SYT2: variants seen among roughly 807,000 people sequenced by gnomAD.
SYT2 encodes the protein synaptotagmin-2.
A neutral mutation model predicts 39.9 loss-of-function variants in SYT2; 15 were observed. That is an observed-to-expected ratio of 0.38 (90% CI 0.25 to 0.58). The LOEUF (loss-of-function observed/expected upper bound fraction) is 0.58. Ranked by LOEUF, SYT2 falls within the 20% of genes least tolerant of loss-of-function variation. SYT2 has a pLI of 0.70. For missense variants in SYT2, 389 were observed against 530.3 expected, an observed-to-expected ratio of 0.73 and a Z score of 2.62; for synonymous variants, 181 against 204.5, an observed-to-expected ratio of 0.89 and a Z score of 0.98.
At chr1:202,687,723 G>A (rs1653708463) in intron 1 of SYT2, among the ~76,000 whole-genome samples, 1 of 151,152 alleles carries the variant, frequency 6.6e-6, no homozygotes, top group Admixed American at 6.6e-5. Context: ...AAATGGTGCA[G>A]CCAACAGCAT....
chr1:202,705,458 C>T (rs1380875221), intron 1 of SYT2, among the ~76,000 whole-genome samples: 3 of 152,234 alleles, frequency 2.0e-5, no homozygotes, highest in East Asian at 3.8e-4. Flanking sequence ...AAGCTGAAAT[C>T]CTGAGGTCCC....
chr1:202,643,923 G>A (rs1692011187), intron 1 of SYT2, among the ~76,000 whole-genome samples: 1 of 152,236 alleles, frequency 6.6e-6, no homozygotes, highest in East Asian at 1.9e-4. Context: ...GGGATTAGCT[G>A]GGGGAGGGGA....
chr1:202,700,107 C>G (rs962230386), intron 1 of SYT2, among the ~76,000 whole-genome samples: 1 of 152,114 alleles, frequency 6.6e-6, no homozygotes, highest in African/African-American at 2.4e-5. Flanking sequence ...CTAGACACCC[C>G]TCTCTCCCAA....
At chr1:202,663,352 G>A (rs928284851) in intron 1 of SYT2, among the ~76,000 whole-genome samples, 11 of 152,086 alleles carry the variant, frequency 7.2e-5, no homozygotes, top group Admixed American at 1.3e-4. Context: ...GCCTGCTCCC[G>A]GCCCTGCCCT....
At chr1:202,640,782 G>GAC (rs1558443924) in intron 1 of SYT2, among the ~76,000 whole-genome samples, 15 of 126,372 alleles carry the variant, frequency 1.2e-4, no homozygotes, top group African/African-American at 3.4e-4. Flanking sequence ...GAGAGAGAGA[G>GAC]AGAGAGAGAG....
chr1:202,613,002 G>A (rs983283158), intron 1 of SYT2, among the ~76,000 whole-genome samples: 14 of 150,140 alleles, frequency 9.3e-5, no homozygotes, highest in African/African-American at 3.4e-4. Flanking sequence ...CTAGTGTATA[G>A]CAATATAATA....
Position 202,620,220 on chromosome 1 carries a change from T to A in SYT2, c.-17-14431A>T, listed in dbSNP as rs554340985. On this transcript the variant is annotated intron_variant, in intron 1 of 8. Transcript: ENST00000367268. ...CTGCCCAGGATGGCCACTTGGCCCC[T>A]GTGACAGTGTCAGTCCCAAGCACTC... Among the ~76,000 whole-genome samples, 12 of 152,252 alleles carry A rather than the reference T, an allele frequency of 7.9e-5. No individual in the cohort carries two copies. The South Asian group carries it at 2.5e-3, about 31-fold the overall frequency.
Position 202,593,920 on chromosome 1 carries a change from T to A in SYT2, c.*2837A>T, listed in dbSNP as rs1291876790. 1.3e-5 allele frequency: 2 copies of A among 152,180 alleles called. No homozygotes were observed. The highest frequency in any genetic ancestry group is 3.8e-4 in the East Asian group (2 of 5,200). 9.4% of individuals were successfully genotyped at this position (152,180 alleles called of 1,614,324 possible). A position where few individuals can be genotyped will look rare whatever the true frequency, so the allele number is the denominator to read the frequency against. Reference sequence around the variant, plus strand: ...CCAGACACCCTAACTCTATCCTGCTTAGTGCCTACACCCCAGTACCCTGAC... The same window carrying A: ...CCAGACACCCTAACTCTATCCTGCTAAGTGCCTACACCCCAGTACCCTGAC... On this transcript the variant is annotated 3_prime_UTR_variant, in exon 9 of 9. Transcript: ENST00000367268.
intron 1 of SYT2, among the ~76,000 whole-genome samples, chr1:202,662,104 C>T (rs902543085): frequency 3.3e-5 from 5 of 152,190 alleles, no homozygotes; most frequent in African/African-American, 4.8e-5. Flanking sequence ...CCAGGAGCCA[C>T]GGGACCCTCT....
At chr1:202,658,949 G>A (rs1692330397) in intron 1 of SYT2, among the ~76,000 whole-genome samples, 2 of 152,272 alleles carry the variant, frequency 1.3e-5, no homozygotes, top group Admixed American at 1.3e-4. Context: ...AGATTGGAGA[G>A]CTTCTCAATT....
chr1:202,635,407 C>T (rs1019049558), intron 1 of SYT2, among the ~76,000 whole-genome samples: 7 of 152,282 alleles, frequency 4.6e-5, no homozygotes, highest in East Asian at 3.9e-4. Flanking sequence ...AGCAGGGTCA[C>T]GGGAGACAGG....
At chr1:202,624,656 TGTA>T (rs1179059874) in intron 1 of SYT2, among the ~76,000 whole-genome samples, 8 of 143,436 alleles carry the variant, frequency 5.6e-5, no homozygotes, top group East Asian at 2.2e-4. Context: ...GTGTCTGGTG[TGTA>T]GTAGTGTGTG....
rs570658182 is a variant in SYT2, at chr1:202,599,019, A to G, written c.1053+199T>C. ...TTTGCAGAATTTTTTGAATTAGTTC[A>G]TGTTTATCTCCTCAGAAAAGGGGGA... On this transcript the variant is annotated intron_variant, in intron 8 of 8. Transcript: ENST00000367268. The surrounding 1 kb of genome is among the most constrained non-coding windows in gnomAD (Gnocchi z 4.4). Among the ~76,000 whole-genome samples, 2 of 152,274 alleles carry G rather than the reference A, an allele frequency of 1.3e-5. No homozygotes were observed. Among genetic ancestry groups the G allele is most frequent in the South Asian group, 4.1e-4 (2 of 4,830 alleles).
At position 202,701,944 on chromosome 1, in the gene SYT2, T is replaced by C. The variant is rs114047643; in HGVS notation, c.-18+8314A>G. Among the ~76,000 whole-genome samples the C allele has an allele frequency of 7.4e-3, 1,129 of 152,348 alleles. 17 individuals are homozygous for C. The highest frequency in any genetic ancestry group is 0.026 in the African/African-American group (1,089 of 41,584). ...AGGAAGTGGCAGTCTTGGTTTGACC[T>C]AGGCCATCTGACTCCCAGCCACACA... On this transcript the variant is annotated intron_variant, in intron 1 of 8. Transcript: ENST00000367268.
chr1:202,700,627 G>A (rs975705579), intron 1 of SYT2, among the ~76,000 whole-genome samples: 3 of 152,088 alleles, frequency 2.0e-5, no homozygotes, highest in Admixed American at 6.5e-5. Flanking sequence ...ATATATAGTA[G>A]ACGTTTTCTC....
chr1:202,697,804 C>T (rs533064363), intron 1 of SYT2, among the ~76,000 whole-genome samples: 1 of 152,232 alleles, frequency 6.6e-6, no homozygotes, highest in Admixed American at 6.5e-5. Context: ...TGAATGTATA[C>T]CATTTTTATT....
chr1:202,642,612 AG>A (rs1008939315), intron 1 of SYT2, among the ~76,000 whole-genome samples: 1 of 152,142 alleles, frequency 6.6e-6, no homozygotes, highest in Admixed American at 6.5e-5. Flanking sequence ...CGGGAGAGGA[AG>A]GGGTGGAAAA....
At position 202,590,989 on chromosome 1, in the gene SYT2, G is replaced by C. The variant is rs1455492418; in HGVS notation, c.*5768C>G. The C allele has an allele frequency of 6.6e-6, 1 of 152,280 alleles. No homozygotes were observed. Among genetic ancestry groups the C allele is most frequent in the Non-Finnish European group, 1.5e-5 (1 of 68,116 alleles). 9.4% of individuals were successfully genotyped at this position (152,280 alleles called of 1,614,324 possible). A position where few individuals can be genotyped will look rare whatever the true frequency, so the allele number is the denominator to read the frequency against. ...GAACTCCTGGTGCCCCATGCACACT[G>C]CTCCCATCACCTCACCAGACAGATG... On this transcript the variant is annotated 3_prime_UTR_variant, in exon 9 of 9. Transcript: ENST00000367268.
At chr1:202,634,796 A>G (rs145781161) in intron 1 of SYT2, among the ~76,000 whole-genome samples, 1 of 152,254 alleles carries the variant, frequency 6.6e-6, no homozygotes, top group Non-Finnish European at 1.5e-5. Flanking sequence ...CATGTATTAT[A>G]TAATTCCATC....
Sources: gnomAD v4.1 joint callset for allele counts (sites outside exome capture counted in the v4.1 genomes callset) on GRCh38, gnomAD v4.1.1 for gene constraint, Gnocchi (gnomAD v3.1) non-coding constraint, MANE v1.5 for transcripts, NCBI Gene and HGNC (gene_info 2026-07-23, HGNC 2026-07-21) for gene names.